Variants in ARHGAP15 observed in about 807,000 individuals in gnomAD.
ARHGAP15 encodes the protein Rho GTPase activating protein 15, also known as rho GTPase-activating protein 15.
A neutral mutation model predicts 63.7 loss-of-function variants in ARHGAP15; 51 were observed. The observed-to-expected ratio is 0.80, with a 90% CI of 0.64 to 1.01. The LOEUF (loss-of-function observed/expected upper bound fraction) is 1.01. Ranked by LOEUF, ARHGAP15 falls within the 50% of genes least tolerant of loss-of-function variation. ARHGAP15 has a pLI of 0.00. For synonymous variants in ARHGAP15, 191 were observed against 193.8 expected (o/e 0.99, Z 0.12); for missense variants, 560 against 564.6 (o/e 0.99, Z 0.08).
At chr2:143,484,357 C>G (rs1033050305) in intron 8 of ARHGAP15, among the ~76,000 whole-genome samples, 1 of 113,722 alleles carries the variant, frequency 8.8e-6, no homozygotes, top group African/African-American at 3.4e-5. Context: ...CAGAGAGAGA[C>G]TCCATCTCAA....
At chr2:143,691,632 C>G (rs142442529) in intron 12 of ARHGAP15, among the ~76,000 whole-genome samples, 1 of 152,166 alleles carries the variant, frequency 6.6e-6, no homozygotes, top group Non-Finnish European at 1.5e-5. Flanking sequence ...TCCACTCCCC[C>G]CAACACATTA....
chr2:143,436,143 C>G (rs1689603201), intron 7 of ARHGAP15, among the ~76,000 whole-genome samples: 1 of 151,952 alleles, frequency 6.6e-6, no homozygotes, highest in Non-Finnish European at 1.5e-5. Context: ...CTAGATTGTT[C>G]TTCTTATGAA....
At chr2:143,135,824 A>T (rs1689112907) in intron 1 of ARHGAP15, among the ~76,000 whole-genome samples, 1 of 152,170 alleles carries the variant, frequency 6.6e-6, no homozygotes, top group Admixed American at 6.5e-5. Context: ...TCCTGAGATC[A>T]GTCTTTGGAT....
chr2:143,560,802 C>G (rs1695989056), intron 11 of ARHGAP15, among the ~76,000 whole-genome samples: 1 of 152,230 alleles, frequency 6.6e-6, no homozygotes, highest in Non-Finnish European at 1.5e-5. Context: ...ACTACTTTAA[C>G]ACGCTATTCT....
intron 11 of ARHGAP15, among the ~76,000 whole-genome samples, chr2:143,582,810 G>A (rs979603591): frequency 7.2e-5 from 11 of 152,324 alleles, no homozygotes; most frequent in Admixed American, 5.9e-4. Flanking sequence ...TCTCATACCA[G>A]CTTGCCAATG....
At position 143,535,584 on chromosome 2, in the gene ARHGAP15, T is replaced by C. The variant is rs970349151; in HGVS notation, c.925+16220T>C. On this transcript the variant is annotated intron_variant, in intron 10 of 13. Transcript: ENST00000295095. ...CTGCAAAAGTAGCCTCTATAATTAA[T>C]ATTAACTTACGTTGGGAACCAATGG... Among the ~76,000 whole-genome samples, 14 of 152,336 alleles carry C rather than the reference T, an allele frequency of 9.2e-5. 2 individuals are homozygous for C. Among genetic ancestry groups the C allele is most frequent in the Admixed American group, 6.5e-4 (10 of 15,296 alleles).
intron 12 of ARHGAP15, among the ~76,000 whole-genome samples, chr2:143,691,186 TAGG>T (rs576912965): frequency 2.5e-3 from 374 of 152,222 alleles, no homozygotes; most frequent in Middle Eastern, 0.01. Context: ...ATGGCACTGT[TAGG>T]AGGAAAAAAT....
In ARHGAP15 at chr2:143,419,462, A is replaced by ATC. The variant is rs70982865; in HGVS notation, c.475-16139_475-16138insTC. Among the ~76,000 whole-genome samples, 7 of 3,512 alleles carry ATC rather than the reference A, an allele frequency of 2.0e-3. No homozygotes were observed. In the South Asian group the frequency reaches 0.097, roughly 49 times the overall value. 2.3% of individuals were successfully genotyped at this position (3,512 alleles called of 152,430 possible). A position where few individuals can be genotyped will look rare whatever the true frequency, so the allele number is the denominator to read the frequency against. On this transcript the variant is annotated intron_variant, in intron 6 of 13. Transcript: ENST00000295095. ...ATGCTTATGCAGCGTGGGTTTATTT[A>ATC]ACTAAATTGTGGAAAAATAGGAAGA...
intron 6 of ARHGAP15, among the ~76,000 whole-genome samples, chr2:143,412,289 A>G (rs1688480588): frequency 6.6e-6 from 1 of 152,148 alleles, no homozygotes. Context: ...ACGGAAATGG[A>G]TTAAATATAA....
chr2:143,317,707 A>G (rs560276598), intron 6 of ARHGAP15, among the ~76,000 whole-genome samples: 5 of 152,312 alleles, frequency 3.3e-5, no homozygotes, highest in African/African-American at 1.2e-4. Flanking sequence ...TTTCGAGAAG[A>G]TAGTTATGTG....
intron 2 of ARHGAP15, among the ~76,000 whole-genome samples, chr2:143,186,751 T>C (rs1691464365): frequency 6.6e-6 from 1 of 152,214 alleles, no homozygotes. Context: ...ACTTTGATCA[T>C]TTAAAAATGA....
chr2:143,309,033 T>C (rs1343583485), intron 6 of ARHGAP15, among the ~76,000 whole-genome samples: 1 of 151,948 alleles, frequency 6.6e-6, no homozygotes, highest in East Asian at 1.9e-4. Context: ...ATATTGTTCT[T>C]TGTGTGTTAG....
chr2:143,560,995 A>G (rs2105096615), intron 11 of ARHGAP15, among the ~76,000 whole-genome samples: 1 of 152,314 alleles, frequency 6.6e-6, no homozygotes, highest in East Asian at 1.9e-4. Context: ...TTAGATGTCA[A>G]CCTGTCATCA....
At chr2:143,518,612 A>G (rs1428842575) in intron 9 of ARHGAP15, among the ~76,000 whole-genome samples, 1 of 152,192 alleles carries the variant, frequency 6.6e-6, no homozygotes, top group Non-Finnish European at 1.5e-5. Context: ...TTCCTGAATC[A>G]TCTATTAACA....
intron 13 of ARHGAP15, among the ~76,000 whole-genome samples, chr2:143,720,061 C>CT (rs1156245070): frequency 6.6e-6 from 1 of 151,950 alleles, no homozygotes; most frequent in Non-Finnish European, 1.5e-5. Context: ...TCCCAAAGCA[C>CT]TTTTTTTTCC....
At chr2:143,556,545 A>C in intron 11 of ARHGAP15, 60 bp downstream of exon 11, 1 of 1,273,286 alleles carries the variant, frequency 7.9e-7, no homozygotes, top group East Asian at 2.3e-5. Flanking sequence ...AATATTTCAT[A>C]CACTGTGCTG....
chr2:143,507,018 G>A (rs1428708369), intron 9 of ARHGAP15, among the ~76,000 whole-genome samples: 2 of 151,956 alleles, frequency 1.3e-5, no homozygotes, highest in Non-Finnish European at 2.9e-5. Context: ...CAACCAGAAG[G>A]CATGTAATAT....
Position 143,265,655 on chromosome 2 carries a change from GTT to G in ARHGAP15, c.474+15058_474+15059del, listed in dbSNP as rs1165184345. Among the ~76,000 whole-genome samples the G allele has an allele frequency of 2.6e-5, 4 of 152,088 alleles. No homozygotes were observed. The East Asian group carries it at 7.7e-4, about 29-fold the overall frequency. ...GAAAGTGTTATTATTATTTTGGAGA[GTT>G]TTCGTAGGATATTCCAGGCCAATGA... is the stretch of plus-strand genomic sequence containing the variant. On this transcript the variant is annotated intron_variant, in intron 6 of 13. Transcript: ENST00000295095.
intron 11 of ARHGAP15, among the ~76,000 whole-genome samples, chr2:143,606,573 G>A (rs923161134): frequency 6.6e-6 from 1 of 152,146 alleles, no homozygotes; most frequent in Non-Finnish European, 1.5e-5. Context: ...GAAAACGTGA[G>A]CAATGTATAA....
Sources: gnomAD v4.1 joint callset for allele counts (sites outside exome capture counted in the v4.1 genomes callset) on GRCh38, gnomAD v4.1.1 for gene constraint, MANE v1.5 for transcripts, NCBI Gene and HGNC (gene_info 2026-07-23, HGNC 2026-07-21) for gene names.